PCBP3: variants seen among roughly 807,000 people sequenced by gnomAD.
The protein encoded by PCBP3 is poly(rC) binding protein 3.
Under a neutral mutation model 52.7 loss-of-function variants are expected in PCBP3, and 25 were observed. The observed-to-expected ratio is 0.47, with a 90% CI of 0.35 to 0.66. The LOEUF is 0.66. PCBP3 is among the 30% of genes least tolerant of loss of function. The probability of loss-of-function intolerance (pLI) is 0.01; values close to 1 mark genes in which losing one functional copy is unlikely to be tolerated. For synonymous variants in PCBP3, 162 were observed against 183.0 expected (o/e 0.89, Z 0.93); for missense variants, 391 against 490.3 (o/e 0.80, Z 1.91).
intron 3 of PCBP3, among the ~76,000 whole-genome samples, chr21:45,754,371 A>C (rs148286707): frequency 6.6e-6 from 1 of 152,320 alleles, no homozygotes; most frequent in East Asian, 1.9e-4. Context: ...TATCTTTGCC[A>C]GTACAGTTTT....
intron 3 of PCBP3, among the ~76,000 whole-genome samples, chr21:45,739,593 C>CA (rs148828990): frequency 1.2e-4 from 13 of 112,600 alleles, no homozygotes; most frequent in Non-Finnish European, 2.3e-4. Context: ...GGTGCCCCCC[C>CA]CCATCTTCAT....
At chr21:45,708,213 G>A (rs767455091) in intron 2 of PCBP3, among the ~76,000 whole-genome samples, 25 of 152,174 alleles carry the variant, frequency 1.6e-4, no homozygotes, top group Admixed American at 3.3e-4. Flanking sequence ...TACTATGGGG[G>A]AGGGATAGGT....
intron 3 of PCBP3, among the ~76,000 whole-genome samples, chr21:45,748,564 T>C (rs1178345759): frequency 6.6e-6 from 1 of 152,224 alleles, no homozygotes; most frequent in Non-Finnish European, 1.5e-5. Context: ...GGTTTGACTT[T>C]ACCCACCTGT....
intron 4 of PCBP3, among the ~76,000 whole-genome samples, chr21:45,758,274 C>T (rs1204959209): frequency 2.0e-5 from 3 of 152,078 alleles, no homozygotes; most frequent in Non-Finnish European, 2.9e-5. Context: ...TCTTCTTTTC[C>T]GAAATTTTGA....
intron 5 of PCBP3, among the ~76,000 whole-genome samples, chr21:45,892,438 G>T (rs1386580296): frequency 1.3e-5 from 2 of 151,736 alleles, no homozygotes; most frequent in African/African-American, 2.4e-5. Context: ...GCAAGTGCAC[G>T]TGAGGGGCGC....
At chr21:45,911,055 C>T in intron 11 of PCBP3, 25 bp downstream of exon 11, 1 of 1,604,662 alleles carries the variant, frequency 6.2e-7, no homozygotes. Flanking sequence ...CCAGGGCCAG[C>T]CCACGTCAGT....
chr21:45,937,778 C>A (rs1052707552), intron 16 of PCBP3, among the ~76,000 whole-genome samples: 3 of 152,194 alleles, frequency 2.0e-5, no homozygotes, highest in Admixed American at 6.5e-5. Flanking sequence ...CTGCACTGAG[C>A]CAGCTGGCCT....
At chr21:45,655,538 A>C (rs1186376741) in intron 1 of PCBP3, among the ~76,000 whole-genome samples, 2 of 152,102 alleles carry the variant, frequency 1.3e-5, no homozygotes, top group Non-Finnish European at 2.9e-5. Flanking sequence ...AGCCCTTTTT[A>C]TGTACTGCTT....
intron 1 of PCBP3, among the ~76,000 whole-genome samples, chr21:45,654,716 G>A (rs112738490): frequency 2.0e-5 from 3 of 152,050 alleles, no homozygotes; most frequent in African/African-American, 4.8e-5. Context: ...TAAACGTTTT[G>A]TGGGATATAA....
At chr21:45,940,699 A>T (rs931433761) in intron 17 of PCBP3, among the ~76,000 whole-genome samples, 3 of 150,620 alleles carry the variant, frequency 2.0e-5, no homozygotes, top group African/African-American at 7.4e-5. Context: ...ACTGCACCCC[A>T]CTCGGCCTCA....
At position 45,880,249 on chromosome 21, in the gene PCBP3, C is replaced by T. The variant is rs548155652; in HGVS notation, c.11-15959C>T. On this transcript the variant is annotated intron_variant, in intron 5 of 17. Coordinates refer to ENST00000681687, the MANE Select transcript of PCBP3 (RefSeq NM_001384156.1). This position sits in a 1 kb window ranked among gnomAD's most constrained non-coding sequence, Gnocchi z 5.4. ...GTTGCCTGGTTCCCCAGTTGCCCTCCTGGAAAGCTCTACCCTGCTGGCCCT... is the reference window on the plus strand; with the variant it reads ...GTTGCCTGGTTCCCCAGTTGCCCTCTTGGAAAGCTCTACCCTGCTGGCCCT... 6.6e-6 allele frequency among the ~76,000 whole-genome samples: 1 copy of T among 152,350 alleles called. No individual in the cohort carries two copies. Among genetic ancestry groups the T allele is most frequent in the South Asian group, 2.1e-4 (1 of 4,834 alleles).
intron 2 of PCBP3, among the ~76,000 whole-genome samples, chr21:45,706,914 G>T (rs2083484729): frequency 1.3e-5 from 2 of 152,204 alleles, no homozygotes; most frequent in Admixed American, 6.5e-5. Context: ...CAAAGTTCAA[G>T]AAACTGCTTA....
chr21:45,736,822 C>G lies in PCBP3; in HGVS notation c.-162+1393C>G, dbSNP rs1038436328. Among the ~76,000 whole-genome samples the G allele has an allele frequency of 2.6e-5, 4 of 152,130 alleles. No homozygotes were observed. The highest frequency in any genetic ancestry group is 9.7e-5 in the African/African-American group (4 of 41,418). Reference sequence around the variant, plus strand: ...AATCCTGACATCCTTGTGGGGGGATCGAAAACATAAATCTAGTCAGTGAGT... The same window carrying G: ...AATCCTGACATCCTTGTGGGGGGATGGAAAACATAAATCTAGTCAGTGAGT... On this transcript the variant is annotated intron_variant, in intron 3 of 17. Transcript: ENST00000681687. This position sits in a 1 kb window ranked among gnomAD's most constrained non-coding sequence, Gnocchi z 4.6.
chr21:45,676,499 A>G (rs1292801950), intron 2 of PCBP3, among the ~76,000 whole-genome samples: 2 of 152,102 alleles, frequency 1.3e-5, no homozygotes. Flanking sequence ...GATATTTCAA[A>G]CATTTTCATT....
In PCBP3 at chr21:45,680,073, C is replaced by T. The variant is rs116203844; in HGVS notation, c.-200+11121C>T. On this transcript the variant is annotated intron_variant, in intron 2 of 17. Transcript: ENST00000681687. Reference sequence around the variant, plus strand: ...ATTTTCCATACTGGATTTCTTATATCGTTCCATTGATTGCCATGTCCATCC... The same window carrying T: ...ATTTTCCATACTGGATTTCTTATATTGTTCCATTGATTGCCATGTCCATCC... 3.7e-3 allele frequency among the ~76,000 whole-genome samples: 563 copies of T among 152,298 alleles called. 2 individuals are homozygous for T. The highest frequency in any genetic ancestry group is 0.013 in the African/African-American group (521 of 41,546).
chr21:45,699,695 T>G, intron 2 of PCBP3, among the ~76,000 whole-genome samples: 1 of 152,202 alleles, frequency 6.6e-6, no homozygotes, highest in East Asian at 1.9e-4. Context: ...ATGTCTCACA[T>G]GGCAACAGAC....
chr21:45,841,410 G>GA (rs11373212), intron 4 of PCBP3, among the ~76,000 whole-genome samples: 124,108 of 150,234 alleles, frequency 0.83, 51,453 homozygotes, highest in East Asian at 0.93. Flanking sequence ...TTTCATTTCT[G>GA]AAAAAAAAAA....
chr21:45,812,566 TA>T (rs1206236226), intron 4 of PCBP3, among the ~76,000 whole-genome samples: 4 of 152,168 alleles, frequency 2.6e-5, no homozygotes, highest in Non-Finnish European at 5.9e-5. Flanking sequence ...CACACCCGGC[TA>T]ATTTTTGTAT....
chr21:45,673,884 C>G (rs1350024196), intron 2 of PCBP3: 1 of 152,076 alleles, frequency 6.6e-6, no homozygotes, highest in East Asian at 1.9e-4. Context: ...TAGTTGGGTG[C>G]TCTTCTATAG....
Sources: gnomAD v4.1 joint callset for allele counts (sites outside exome capture counted in the v4.1 genomes callset) on GRCh38, gnomAD v4.1.1 for gene constraint, Gnocchi (gnomAD v3.1) non-coding constraint, MANE v1.5 for transcripts, NCBI Gene and HGNC (gene_info 2026-07-23, HGNC 2026-07-21) for gene names.